Variants in PLXNA4 observed in about 807,000 individuals in gnomAD.
The protein encoded by PLXNA4 is plexin A4, also known as plexin-A4.
A neutral mutation model predicts 191.8 loss-of-function variants in PLXNA4; 44 were observed. That is an observed-to-expected ratio of 0.23 (90% confidence interval 0.18 to 0.29). PLXNA4 has a LOEUF of 0.29. PLXNA4 is among the 10% of genes least tolerant of loss of function. PLXNA4 has a pLI of 1.00. For synonymous variants in PLXNA4, 1,082 were observed against 1,009.5 expected (o/e 1.07, Z -1.36); for missense variants, 1,800 against 2,488.8 (o/e 0.72, Z 5.89).
In PLXNA4 at chr7:132,126,873, T is replaced by G. The variant is rs113091346; in HGVS notation, c.*3606A>C. The G allele has an allele frequency of 8.5e-5, 13 of 152,236 alleles. No homozygotes were observed. The highest frequency in any genetic ancestry group is 3.1e-4 in the African/African-American group (13 of 41,526). 9.4% of individuals were successfully genotyped at this position (152,236 alleles called of 1,614,324 possible). Reference sequence around the variant, plus strand: ...ACTGTTCCCAAATTTAAAACCATACTGAAAGAAGAAGGCAAGAAAATATTT... The same window carrying G: ...ACTGTTCCCAAATTTAAAACCATACGGAAAGAAGAAGGCAAGAAAATATTT... On this transcript the variant is annotated 3_prime_UTR_variant, in exon 32 of 32. Coordinates refer to ENST00000321063, the MANE Select transcript of PLXNA4 (RefSeq NM_020911.2).
At chr7:132,376,002 C>T (rs937621020) in intron 3 of PLXNA4, among the ~76,000 whole-genome samples, 1 of 152,224 alleles carries the variant, frequency 6.6e-6, no homozygotes, top group Admixed American at 6.5e-5. Flanking sequence ...CCCAACGCCA[C>T]TGGCATGACC....
intron 3 of PLXNA4, among the ~76,000 whole-genome samples, chr7:132,368,659 AC>A (rs1010056245): frequency 6.6e-6 from 1 of 152,172 alleles, no homozygotes; most frequent in African/African-American, 2.4e-5. Context: ...GCTCAAAGAC[AC>A]CTGCTCTGGG....
intron 2 of PLXNA4, among the ~76,000 whole-genome samples, chr7:132,591,727 G>A (rs1264944578): frequency 6.6e-6 from 1 of 152,160 alleles, no homozygotes; most frequent in Admixed American, 6.5e-5. Flanking sequence ...CTCAGCAAAG[G>A]CTGTCTCCAT....
At chr7:132,312,771 G>C (rs1801795621) in intron 3 of PLXNA4, among the ~76,000 whole-genome samples, 1 of 152,254 alleles carries the variant, frequency 6.6e-6, no homozygotes, top group Admixed American at 6.5e-5. Flanking sequence ...GATAATAACA[G>C]TACCTACCAC....
chr7:132,515,216 G>A (rs776589276), intron 1 of PLXNA4, among the ~76,000 whole-genome samples: 2 of 152,162 alleles, frequency 1.3e-5, no homozygotes, highest in Non-Finnish European at 2.9e-5. Flanking sequence ...AGGGGTGAGA[G>A]CAGGGGACAG....
At chr7:132,546,261 T>G (rs574946332) in intron 1 of PLXNA4, among the ~76,000 whole-genome samples, 19 of 152,294 alleles carry the variant, frequency 1.2e-4, no homozygotes, top group Non-Finnish European at 2.4e-4. Flanking sequence ...GAATAGATGC[T>G]TCCAGGACCA....
intron 25 of PLXNA4, among the ~76,000 whole-genome samples, chr7:132,156,866 T>A (rs1252481403): frequency 6.6e-6 from 1 of 152,150 alleles, no homozygotes; most frequent in Non-Finnish European, 1.5e-5. Context: ...CAATCTAGCT[T>A]TGGTAAGAAG....
At chr7:132,165,786 GA>G in intron 22 of PLXNA4, among the ~76,000 whole-genome samples, 1 of 152,228 alleles carries the variant, frequency 6.6e-6, no homozygotes, top group Middle Eastern at 3.4e-3. Flanking sequence ...GGTGGCAGGA[GA>G]AGGGTTCCAT....
intron 3 of PLXNA4, chr7:132,383,568 A>G: frequency 6.1e-6 from 6 of 984,040 alleles, no homozygotes; most frequent in Non-Finnish European, 7.2e-6. Context: ...TTTTCACTGA[A>G]TGTTATCACA....
chr7:132,471,737 C>T (rs188690527), intron 3 of PLXNA4, among the ~76,000 whole-genome samples: 38 of 152,202 alleles, frequency 2.5e-4, no homozygotes, highest in Middle Eastern at 3.4e-3. Flanking sequence ...GGAGGAGGGG[C>T]GCTCTTTCAA....
intron 5 of PLXNA4, among the ~76,000 whole-genome samples, chr7:132,236,243 T>C (rs1798696264): frequency 6.6e-6 from 1 of 152,322 alleles, no homozygotes; most frequent in Admixed American, 6.5e-5. Flanking sequence ...CTCAATCACA[T>C]GTGCTGACTC....
At chr7:132,451,098 C>T (rs1796104332) in intron 3 of PLXNA4, among the ~76,000 whole-genome samples, 1 of 152,334 alleles carries the variant, frequency 6.6e-6, no homozygotes, top group South Asian at 2.1e-4. Context: ...CACTTGACTG[C>T]TATGCCTTAT....
chr7:132,277,627 C>T (rs537851859), intron 4 of PLXNA4, among the ~76,000 whole-genome samples: 4 of 152,260 alleles, frequency 2.6e-5, no homozygotes, highest in East Asian at 1.9e-4. Flanking sequence ...AAACTGTTGG[C>T]GGTTTATGCT....
intron 1 of PLXNA4, among the ~76,000 whole-genome samples, chr7:132,552,603 C>A (rs1033798810): frequency 3.9e-5 from 6 of 152,210 alleles, no homozygotes; most frequent in African/African-American, 1.4e-4. Flanking sequence ...AAAAGTCCTT[C>A]TGCAAGTGTG....
chr7:132,552,122 C>T (rs1051737919), intron 1 of PLXNA4, among the ~76,000 whole-genome samples: 7 of 152,046 alleles, frequency 4.6e-5, no homozygotes, highest in South Asian at 2.1e-4. Flanking sequence ...GTGCTTGCTC[C>T]GCCTCCTTCC....
intron 3 of PLXNA4, among the ~76,000 whole-genome samples, chr7:132,420,807 G>A (rs56205299): frequency 0.014 from 2,092 of 152,114 alleles, 43 homozygotes; most frequent in African/African-American, 0.046. Context: ...TGAGTCTCAC[G>A]AGATCTGATG....
At chr7:132,396,552 A>T (rs945300874) in intron 3 of PLXNA4, among the ~76,000 whole-genome samples, 1 of 152,142 alleles carries the variant, frequency 6.6e-6, no homozygotes, top group African/African-American at 2.4e-5. Flanking sequence ...GTGCAGTGGC[A>T]CAATCTCAGT....
At chr7:132,519,913 G>A (rs1799104177) in intron 1 of PLXNA4, among the ~76,000 whole-genome samples, 1 of 152,188 alleles carries the variant, frequency 6.6e-6, no homozygotes, top group African/African-American at 2.4e-5. Context: ...GAAATAGGAT[G>A]GGGAAGAGAG....
At position 132,475,860 on chromosome 7, in the gene PLXNA4, T is replaced by G. The variant is rs577421673; in HGVS notation, c.1371+13432A>C. On this transcript the variant is annotated intron_variant, in intron 3 of 31. Transcript: ENST00000321063. ...CCATCTGGGCAATGGTCAGGGCATT[T>G]GACAGCTAAATAGCTCTACTCTGTC... 2.0e-5 allele frequency among the ~76,000 whole-genome samples: 3 copies of G among 152,296 alleles called. No individual in the cohort carries two copies. In the South Asian group the frequency reaches 6.2e-4, roughly 32 times the overall value.
Sources: gnomAD v4.1 joint callset for allele counts (sites outside exome capture counted in the v4.1 genomes callset) on GRCh38, gnomAD v4.1.1 for gene constraint, MANE v1.5 for transcripts, NCBI Gene and HGNC (gene_info 2026-07-23, HGNC 2026-07-21) for gene names.